CYP3A43: variants seen among roughly 807,000 people sequenced by gnomAD.
CYP3A43 encodes cytochrome P450 3A43.
Under a neutral mutation model 58.0 loss-of-function variants are expected in CYP3A43, and 45 were observed. The observed-to-expected ratio is 0.78, with a 90% confidence interval of 0.61 to 0.99. The LOEUF (loss-of-function observed/expected upper bound fraction) is 0.99. CYP3A43 is among the 50% of genes least tolerant of loss of function. The pLI is 0.00. For synonymous variants in CYP3A43, 191 were observed against 201.4 expected, an observed-to-expected ratio of 0.95 and a Z score of 0.44; for missense variants, 593 against 591.9, an observed-to-expected ratio of 1.00 and a Z score of -0.02.
chr7:99,832,169 G>A (rs1816869227), intron 1 of CYP3A43, among the ~76,000 whole-genome samples: 1 of 151,990 alleles, frequency 6.6e-6, no homozygotes, highest in Admixed American at 6.6e-5. Context: ...AGGAAAGAAG[G>A]TGTCAGCAAA....
intron 11 of CYP3A43, among the ~76,000 whole-genome samples, chr7:99,862,608 G>A (rs557254488): frequency 6.6e-6 from 1 of 152,322 alleles, no homozygotes; most frequent in East Asian, 1.9e-4. Flanking sequence ...CAAGCTTTGG[G>A]CACAATTTGC....
chr7:99,856,955 T>C (rs1240241962), intron 9 of CYP3A43, 56 bp downstream of exon 9: 5 of 1,549,628 alleles, frequency 3.2e-6, no homozygotes, highest in Non-Finnish European at 4.4e-6. Context: ...GAGAAGGCCC[T>C]GTTCTGAAAA....
At chr7:99,838,000 C>G (rs1303991578) in intron 2 of CYP3A43, among the ~76,000 whole-genome samples, 1 of 152,172 alleles carries the variant, frequency 6.6e-6, no homozygotes, top group Non-Finnish European at 1.5e-5. Context: ...TTTTACCCCC[C>G]GAAAAAGCAA....
At chr7:99,859,683 A>T in intron 9 of CYP3A43, 147 bp from the exon 10 acceptor site, 2 of 998,578 alleles carry the variant, frequency 2.0e-6, no homozygotes, top group Non-Finnish European at 3.0e-6. Context: ...GATACACATC[A>T]GAGTGAAGCC....
Position 99,836,532 on chromosome 7 carries a change from T to G in CYP3A43, c.151T>G (p.Leu51Val). ...PTPLPFLGTI[L>V]FYLRGLWNFD... Reference sequence around the variant, plus strand: ...CCCTCTGCCTTTTCTGGGAACTATTTTGTTCTACCTTAGGGTAAGTGTTAT... The same window carrying G: ...CCCTCTGCCTTTTCTGGGAACTATTGTGTTCTACCTTAGGGTAAGTGTTAT... Residue 51 changes from leucine (L) to valine (V), a missense_variant, in exon 2 of 13, where the codon TTG becomes GTG. Transcript: ENST00000354829. 1 of 1,598,882 alleles carries G rather than the reference T, an allele frequency of 6.3e-7. No homozygotes were observed. Among genetic ancestry groups the G allele is most frequent in the Non-Finnish European group, 8.5e-7 (1 of 1,175,412 alleles).
intron 4 of CYP3A43, among the ~76,000 whole-genome samples, chr7:99,846,473 A>G (rs189593186): frequency 6.6e-5 from 10 of 152,276 alleles, no homozygotes; most frequent in Admixed American, 2.6e-4. Flanking sequence ...TTAGCTCTAG[A>G]AGTCTTTTTG....
At chr7:99,837,044 G>T (rs1167391995) in intron 2 of CYP3A43, among the ~76,000 whole-genome samples, 4 of 151,336 alleles carry the variant, frequency 2.6e-5, no homozygotes, top group Non-Finnish European at 5.9e-5. Context: ...GGTGGCTCAC[G>T]CCTGTAATCC....
At chr7:99,829,158 T>G (rs1407703314) in intron 1 of CYP3A43, among the ~76,000 whole-genome samples, 1 of 152,216 alleles carries the variant, frequency 6.6e-6, no homozygotes, top group Non-Finnish European at 1.5e-5. Flanking sequence ...TTTGTATGGA[T>G]TTTCACTGTA....
intron 11 of CYP3A43, among the ~76,000 whole-genome samples, chr7:99,862,523 C>G (rs1345876784): frequency 6.6e-6 from 1 of 152,198 alleles, no homozygotes; most frequent in Admixed American, 6.6e-5. Flanking sequence ...AGCAAAGTCA[C>G]CTGCTTTCTA....
chr7:99,838,911 C>T (rs2151595611), intron 2 of CYP3A43: 1 of 619,656 alleles, frequency 1.6e-6, no homozygotes, highest in East Asian at 3.1e-5. Flanking sequence ...ACCCAGAAGG[C>T]AGAGGTTGCA....
intron 3 of CYP3A43, among the ~76,000 whole-genome samples, chr7:99,840,565 A>G (rs542436807): frequency 2.2e-4 from 33 of 152,326 alleles, no homozygotes; most frequent in East Asian, 1.2e-3. Context: ...TGTAAAGTGC[A>G]GGTTCGATGA....
At chr7:99,854,790 C>G (rs1817906636) in intron 7 of CYP3A43, among the ~76,000 whole-genome samples, 1 of 152,086 alleles carries the variant, frequency 6.6e-6, no homozygotes. Context: ...TTCTAATTGT[C>G]CTTTTGCTTT....
intron 7 of CYP3A43, 184 bp downstream of exon 7, chr7:99,849,878 G>T: frequency 1.5e-6 from 1 of 647,860 alleles, no homozygotes; most frequent in Non-Finnish European, 2.5e-6. Flanking sequence ...GGACATTTTT[G>T]TAAACTTCTG....
In CYP3A43 at chr7:99,866,009, T is replaced by C. The variant is rs749485097; in HGVS notation, c.*8T>C. 7.0e-6 allele frequency: 11 copies of C among 1,562,736 alleles called. No individual in the cohort carries two copies. In the East Asian group the frequency reaches 1.8e-4, roughly 26 times the overall value. On this transcript the variant is annotated 3_prime_UTR_variant, in exon 13 of 13. Coordinates refer to ENST00000354829, the MANE Select transcript of CYP3A43 (RefSeq NM_057095.3). ...ATTACAAGTGGACCCTGACTTTCCC[T>C]AAGGACTTCCACTTTGTTCAAGAAA... is the stretch of plus-strand genomic sequence containing the variant.
At chr7:99,837,790 T>C (rs1356435817) in intron 2 of CYP3A43, among the ~76,000 whole-genome samples, 1 of 152,220 alleles carries the variant, frequency 6.6e-6, no homozygotes, top group African/African-American at 2.4e-5. Context: ...GTGGCTACCC[T>C]GGTCTGATGC....
chr7:99,847,741 G>C, intron 5 of CYP3A43, 140 bp downstream of exon 5: 1 of 1,340,008 alleles, frequency 7.5e-7, no homozygotes, highest in Non-Finnish European at 1.0e-6. Context: ...GCTGGGCACA[G>C]TGGCTCATGC....
chr7:99,844,079 G>A (rs941171394), intron 3 of CYP3A43, 64 bp from the exon 4 acceptor site: 22 of 1,274,838 alleles, frequency 1.7e-5, no homozygotes, highest in Non-Finnish European at 2.3e-5. Flanking sequence ...TGGATTCTTT[G>A]GTGTGGTTCC....
Position 99,863,837 on chromosome 7 carries a change from T to A in CYP3A43, c.1416+138T>A, listed in dbSNP as rs141316508. On this transcript the variant is annotated intron_variant, in intron 12 of 12. Coordinates refer to ENST00000354829, the MANE Select transcript of CYP3A43 (RefSeq NM_057095.3). ...ATCTAATTGGAGCTATCCATAATGC[T>A]TAAAGATGAATCACTTCTGGAGTTC... 6,540 of 660,326 alleles carry A rather than the reference T, an allele frequency of 9.9e-3. 794 individuals are homozygous for A. In the Admixed American group the frequency reaches 0.19, roughly 20 times the overall value. 40.9% of individuals were successfully genotyped at this position (660,326 alleles called of 1,614,324 possible).
intron 4 of CYP3A43, among the ~76,000 whole-genome samples, chr7:99,846,106 A>G (rs1028624780): frequency 1.3e-5 from 2 of 152,136 alleles, no homozygotes; most frequent in Non-Finnish European, 2.9e-5. Context: ...ATTCAGAACA[A>G]GCTTGTCAAT....
Sources: allele counts gnomAD v4.1 joint callset (sites outside exome capture counted in the v4.1 genomes callset), GRCh38; gene constraint gnomAD v4.1.1; transcripts MANE v1.5; gene names NCBI Gene and HGNC (gene_info 2026-07-23, HGNC 2026-07-21).